The following PCDH10 variants were observed in gnomAD, a reference collection of about 807,000 sequenced individuals.
The protein encoded by PCDH10 is protocadherin-10.
PCDH10 carries 15 observed loss-of-function variants against 74.4 expected under a neutral mutation model. The ratio of observed to expected loss-of-function variants is 0.20; its 90% CI spans 0.13 to 0.31. The LOEUF is 0.31. Among genes scored for constraint, PCDH10 ranks in the 10% least tolerant of loss-of-function variants. The pLI is 1.00. For missense variants in PCDH10, 1,260 were observed against 1,390.2 expected, an observed-to-expected ratio of 0.91 and a Z score of 1.49; for synonymous variants, 619 against 589.8, an observed-to-expected ratio of 1.05 and a Z score of -0.72.
chr4:133,197,278 A>T (rs1339641173), downstream of PCDH10, among the ~76,000 whole-genome samples: 1 of 152,174 alleles, frequency 6.6e-6, no homozygotes, highest in African/African-American at 2.4e-5. Context: ...AATACTGCAT[A>T]TTTGACAGAA....
chr4:133,152,383 T>C lies in PCDH10; in HGVS notation c.2243T>C (p.Ile748Thr). Reference sequence around the variant, plus strand: ...TGCCAAAAAGAGAAGAAGCTCAACATCTATACTTGTCTGGCCAGCGATTGC... The same window carrying C: ...TGCCAAAAAGAGAAGAAGCTCAACACCTATACTTGTCTGGCCAGCGATTGC... ...VRCQKEKKLN[I>T]YTCLASDCCL... is the part of the protein sequence containing the mutation. Residue 748 changes from isoleucine (I) to threonine (T), a missense_variant, in exon 1 of 5, where the codon ATC (isoleucine) becomes ACC (threonine). This residue lies in a region of PCDH10 where 587 missense variants were observed against 616.9 expected (regional missense o/e 0.95). Coordinates refer to ENST00000264360, the MANE Select transcript of PCDH10 (RefSeq NM_032961.3). 15 of 1,614,148 alleles carry C rather than the reference T, an allele frequency of 9.3e-6. No individual in the cohort carries two copies. Among genetic ancestry groups the C allele is most frequent in the Non-Finnish European group, 1.3e-5 (15 of 1,180,034 alleles).
Position 133,152,561 on chromosome 4 carries a change from C to T in PCDH10, c.2421C>T (p.Ser807=), listed in dbSNP as rs570523312. The T allele has an allele frequency of 3.7e-5, 60 of 1,614,082 alleles. 1 individual carries two copies. In the South Asian group the frequency reaches 6.5e-4, roughly 17 times the overall value. ...SNPAQVPIEE[S]GGFGSHHHNQ... The stretch of plus-strand genomic sequence containing the variant: ...CGGCCCAGGTGCCGATAGAGGAGTC[C>T]GGGGGCTTTGGCTCCCACCACCACA... Residue 807 remains serine, a synonymous_variant, in exon 1 of 5, where the codon TCC becomes TCT. Coordinates refer to ENST00000264360, the MANE Select transcript of PCDH10 (RefSeq NM_032961.3).
At chr4:133,199,910 G>A (rs1323662530) in intron 2 of PCDH10, among the ~76,000 whole-genome samples, 1 of 151,020 alleles carries the variant, frequency 6.6e-6, no homozygotes, top group Non-Finnish European at 1.5e-5. Context: ...CCATTCTGCT[G>A]CCTCAGCCTC....
At chr4:133,165,174 G>A (rs554183203) in intron 4 of PCDH10, among the ~76,000 whole-genome samples, 4 of 150,370 alleles carry the variant, frequency 2.7e-5, no homozygotes, top group South Asian at 2.1e-4. Context: ...CAGTTCACAC[G>A]GCTCAAAATT....
rs2125863249 is a variant in PCDH10 at position 133,163,246 on chromosome 4, A to G, written c.3067A>G (p.Thr1023Ala). The change falls in exon 4 of 5, where the codon ACT (threonine) becomes GCT (alanine). Residue 1023 changes from threonine (T) to alanine (A), a missense_variant. This residue lies in a region of PCDH10 where 136 missense variants were observed against 149.3 expected (regional missense o/e 0.91). Coordinates refer to ENST00000264360, the MANE Select transcript of PCDH10 (RefSeq NM_032961.3). ...LERKELDGLLTNTRAPYKPPY... is the reference protein window; with the variant it reads ...LERKELDGLLANTRAPYKPPY... ...GAGGAAGGAGCTGGATGGACTGCTG[A>G]CTAATACGCGAGCGCCTTACAAACC... 1.2e-6 allele frequency: 2 copies of G among 1,613,860 alleles called. No homozygotes were observed. Among genetic ancestry groups the G allele is most frequent in the Non-Finnish European group, 1.7e-6 (2 of 1,179,914 alleles).
chr4:133,163,868 G>C, intron 4 of PCDH10: 1 of 437,054 alleles, frequency 2.3e-6, no homozygotes, highest in Non-Finnish European at 4.5e-6. Context: ...AAGTAAAAGA[G>C]TTTTTAAAAA....
intron 4 of PCDH10, among the ~76,000 whole-genome samples, chr4:133,184,898 C>T (rs1727511303): frequency 1.4e-5 from 2 of 147,448 alleles, no homozygotes; most frequent in Admixed American, 1.4e-4. Flanking sequence ...CAGTGGACTA[C>T]TGCAACTGTG....
chr4:133,177,809 G>A (rs1040805649), intron 4 of PCDH10, among the ~76,000 whole-genome samples: 2 of 151,980 alleles, frequency 1.3e-5, no homozygotes, highest in Non-Finnish European at 2.9e-5. Context: ...ATGAGTCTGT[G>A]TTAAATTTCT....
At chr4:133,154,051 T>C (rs1384936859) in intron 1 of PCDH10, among the ~76,000 whole-genome samples, 2 of 152,148 alleles carry the variant, frequency 1.3e-5, no homozygotes. Flanking sequence ...ATTTTCTCTT[T>C]AAAAAACACA....
In PCDH10 at chr4:133,151,564, A is replaced by G. The variant is rs1277522804; in HGVS notation, c.1424A>G (p.Asn475Ser). The change falls in exon 1 of 5, where the codon AAC becomes AGC. Residue 475 changes from asparagine to serine, a missense_variant. By Grantham distance (46) the Asn-to-Ser change is conservative. Around this residue, in one of 11 missense-constraint regions of PCDH10, gnomAD observed 587 missense variants for 616.9 expected, o/e 0.95. Coordinates refer to ENST00000264360, the MANE Select transcript of PCDH10 (RefSeq NM_032961.3). ...QPVYDVYVTENNVPGAYIYAV... is the reference protein window; with the variant it reads ...QPVYDVYVTESNVPGAYIYAV... Reference sequence around the variant, plus strand: ...GTCTACGACGTGTATGTGACTGAAAACAACGTGCCTGGCGCCTACATCTAC... The same window carrying G: ...GTCTACGACGTGTATGTGACTGAAAGCAACGTGCCTGGCGCCTACATCTAC... 6.2e-7 allele frequency: 1 copy of G among 1,614,136 alleles called. No individual in the cohort carries two copies.
chr4:133,150,641 C>G lies in PCDH10; in HGVS notation c.501C>G (p.Phe167Leu). The G allele has an allele frequency of 6.2e-7, 1 of 1,613,336 alleles. No individual in the cohort carries two copies. Among genetic ancestry groups the G allele is most frequent in the Non-Finnish European group, 8.5e-7 (1 of 1,179,988 alleles). The change falls in exon 1 of 5, where the codon TTC becomes TTG. Residue 167 changes from phenylalanine to leucine, a missense_variant. By Grantham distance (22) the Phe-to-Leu change is conservative. Coordinates refer to ENST00000264360, the MANE Select transcript of PCDH10 (RefSeq NM_032961.3). ...RDYEITPNSY[F>L]SLDVQTQGDG... ...ACGAGATCACCCCCAACAGCTACTT[C>G]TCCCTGGACGTGCAGACCCAGGGGG...
chr4:133,157,052 T>G, intron 3 of PCDH10, among the ~76,000 whole-genome samples: 1 of 152,218 alleles, frequency 6.6e-6, no homozygotes, highest in East Asian at 1.9e-4. Flanking sequence ...GTTAAAATTT[T>G]TTTGTATCTT....
intron 4 of PCDH10, among the ~76,000 whole-genome samples, chr4:133,176,742 G>T (rs1258781224): frequency 2.0e-5 from 3 of 151,982 alleles, no homozygotes; most frequent in African/African-American, 7.2e-5. Context: ...ATTAAGCTTT[G>T]TTTGTTTCAT....
intron 2 of PCDH10, among the ~76,000 whole-genome samples, chr4:133,203,309 T>C (rs1727940859): frequency 6.6e-6 from 1 of 152,144 alleles, no homozygotes; most frequent in South Asian, 2.1e-4. Flanking sequence ...TCCTTCCTTC[T>C]TTTTCTTTCT....
intron 4 of PCDH10, 61 bp from the exon 5 acceptor site, chr4:133,190,080 T>C: frequency 7.4e-7 from 1 of 1,346,828 alleles, no homozygotes; most frequent in Non-Finnish European, 1.1e-6. Context: ...CAATAATGTG[T>C]AATTCTAAAC....
intron 3 of PCDH10, 48 bp downstream of exon 3, chr4:133,155,071 G>GT: frequency 7.6e-7 from 1 of 1,311,482 alleles, no homozygotes. Context: ...TATAGTTTTT[G>GT]TTTTTAAAAA....
At position 133,163,058 on chromosome 4, in the gene PCDH10, C is replaced by T. The variant is rs1057322360; in HGVS notation, c.2879C>T (p.Pro960Leu). The T allele has an allele frequency of 1.2e-6, 2 of 1,614,108 alleles. No homozygotes were observed. The highest frequency in any genetic ancestry group is 8.5e-7 in the Non-Finnish European group (1 of 1,179,990). ...CGGTGCTGGATGCCTTCTTTTGTCC[C>T]TTCTGATGGACGCCAGGCTGCTGAT... The part of the protein sequence containing the change: ...SDRCWMPSFV[P>L]SDGRQAADYR... Residue 960 changes from proline (P) to leucine (L), a missense_variant, in exon 4 of 5, where the codon CCT (proline) becomes CTT (leucine). Physicochemically the swap from Pro to Leu is moderately conservative, Grantham distance 98. Transcript: ENST00000264360.
rs754484154 is a variant in PCDH10 at position 133,163,090 on chromosome 4, A to G, written c.2911A>G (p.Ser971Gly). The change falls in exon 4 of 5, where the codon AGC (serine) becomes GGC (glycine). Residue 971 changes from serine to glycine, a missense_variant. Physicochemically the swap from Ser to Gly is moderately conservative, Grantham distance 56. This residue lies in a region of PCDH10 where 136 missense variants were observed against 149.3 expected (regional missense o/e 0.91). Transcript: ENST00000264360. The part of the protein sequence containing the change: ...SDGRQAADYR[S>G]NLHVPGMDSV... ...TGGACGCCAGGCTGCTGATTATCGC[A>G]GCAATCTGCATGTTCCTGGCATGGA... The G allele has an allele frequency of 4.3e-6, 7 of 1,614,024 alleles. No individual in the cohort carries two copies. In the Admixed American group the frequency reaches 6.7e-5, roughly 15 times the overall value.
chr4:133,206,222 G>GA (rs1176329889), intron 2 of PCDH10, among the ~76,000 whole-genome samples: 30 of 151,000 alleles, frequency 2.0e-4, no homozygotes, highest in Admixed American at 1.6e-3. Context: ...AACTAATTGG[G>GA]AAAAAAAAAT....
Sources: allele counts gnomAD v4.1 joint callset (sites outside exome capture counted in the v4.1 genomes callset), GRCh38; gene constraint gnomAD v4.1.1; regional missense constraint gnomAD v4.1.1; transcripts MANE v1.5; gene names NCBI Gene and HGNC (gene_info 2026-07-23, HGNC 2026-07-21).